GALNTL6: variants seen among roughly 807,000 people sequenced by gnomAD.
GALNTL6 encodes polypeptide N-acetylgalactosaminyltransferase-like 6.
Under a neutral mutation model 73.7 loss-of-function variants are expected in GALNTL6, and 46 were observed. The observed-to-expected ratio is 0.62, with a 90% CI of 0.49 to 0.80. The LOEUF is 0.80. Among genes scored for constraint, GALNTL6 ranks in the 30% least tolerant of loss-of-function variants. The pLI is 0.00. For missense variants in GALNTL6, 604 were observed against 755.0 expected (o/e 0.80, Z 2.34); for synonymous variants, 259 against 263.7 (o/e 0.98, Z 0.17).
At chr4:173,010,542 C>G (rs1173134444) in intron 11 of GALNTL6, among the ~76,000 whole-genome samples, 1 of 152,048 alleles carries the variant, frequency 6.6e-6, no homozygotes, top group Non-Finnish European at 1.5e-5. Flanking sequence ...AGTGGTATTG[C>G]TGGATCACAT....
intron 10 of GALNTL6, among the ~76,000 whole-genome samples, chr4:172,975,234 A>G (rs1750754519): frequency 6.6e-6 from 1 of 152,158 alleles, no homozygotes; most frequent in African/African-American, 2.4e-5. Flanking sequence ...AGGACACCCA[A>G]AGTGAGTAGC....
chr4:172,355,562 T>G (rs1177490668), intron 5 of GALNTL6, among the ~76,000 whole-genome samples: 2 of 152,144 alleles, frequency 1.3e-5, no homozygotes, highest in Non-Finnish European at 2.9e-5. Flanking sequence ...ATGCTTGCTT[T>G]CTTTTCTTTT....
intron 5 of GALNTL6, among the ~76,000 whole-genome samples, chr4:172,534,815 C>T (rs1205546614): frequency 6.6e-6 from 1 of 152,170 alleles, no homozygotes; most frequent in East Asian, 1.9e-4. Flanking sequence ...ATCTGCCCAC[C>T]TCGGCCTCCC....
At chr4:172,921,947 G>T (rs1358582130) in intron 8 of GALNTL6, among the ~76,000 whole-genome samples, 1 of 152,118 alleles carries the variant, frequency 6.6e-6, no homozygotes, top group East Asian at 1.9e-4. Flanking sequence ...TGGAGATATG[G>T]TTTGACTGTG....
chr4:172,463,839 T>C (rs1732702118), intron 5 of GALNTL6, among the ~76,000 whole-genome samples: 1 of 152,232 alleles, frequency 6.6e-6, no homozygotes, highest in Non-Finnish European at 1.5e-5. Flanking sequence ...TTTCTATTGA[T>C]AAATGCCCCC....
intron 5 of GALNTL6, among the ~76,000 whole-genome samples, chr4:172,387,922 A>C (rs972897498): frequency 6.6e-6 from 1 of 152,106 alleles, no homozygotes; most frequent in African/African-American, 2.4e-5. Context: ...CTTCATCTTT[A>C]CCATAAATAT....
intron 2 of GALNTL6, among the ~76,000 whole-genome samples, chr4:171,988,282 C>T (rs936390129): frequency 3.3e-5 from 5 of 152,094 alleles, no homozygotes; most frequent in African/African-American, 9.7e-5. Context: ...GGAGATTAAT[C>T]GGCCACAATC....
intron 2 of GALNTL6, among the ~76,000 whole-genome samples, chr4:172,030,169 C>T (rs768191913): frequency 6.6e-6 from 1 of 151,912 alleles, no homozygotes; most frequent in Non-Finnish European, 1.5e-5. Context: ...CACCACATTG[C>T]CATAAAAACC....
chr4:172,421,846 A>G (rs982448416), intron 5 of GALNTL6, among the ~76,000 whole-genome samples: 7 of 152,098 alleles, frequency 4.6e-5, no homozygotes, highest in African/African-American at 1.7e-4. Context: ...GACATGCATA[A>G]AATAGTTGTC....
intron 5 of GALNTL6, among the ~76,000 whole-genome samples, chr4:172,499,315 A>T (rs577730020): frequency 6.6e-6 from 1 of 152,230 alleles, no homozygotes; most frequent in East Asian, 1.9e-4. Flanking sequence ...CTCAAGAGAG[A>T]TGATCTCTCT....
intron 5 of GALNTL6, among the ~76,000 whole-genome samples, chr4:172,448,532 A>T (rs1047095319): frequency 2.6e-5 from 4 of 152,196 alleles, no homozygotes. Context: ...AAGCAGGCTT[A>T]TTTAAATTCT....
In GALNTL6 at chr4:172,246,416, G is replaced by T. The variant is rs187651165; in HGVS notation, c.247+16652G>T. On this transcript the variant is annotated intron_variant, in intron 3 of 12. Coordinates refer to ENST00000506823, the MANE Select transcript of GALNTL6 (RefSeq NM_001034845.3). Reference sequence around the variant, plus strand: ...GTTTAAAGAAATAGTAATCATTAAAGAATAACTTTTGAAATTGTGGCAAAA... The same window carrying T: ...GTTTAAAGAAATAGTAATCATTAAATAATAACTTTTGAAATTGTGGCAAAA... Among the ~76,000 whole-genome samples the T allele has an allele frequency of 1.2e-4, 18 of 152,220 alleles. No individual in the cohort carries two copies. In the East Asian group the frequency reaches 1.5e-3, roughly 13 times the overall value.
chr4:172,114,448 C>T (rs974770469), intron 2 of GALNTL6, among the ~76,000 whole-genome samples: 1 of 151,934 alleles, frequency 6.6e-6, no homozygotes, highest in African/African-American at 2.4e-5. Context: ...CTGAACCATG[C>T]CAGCAGGTAT....
chr4:172,062,578 C>T (rs997610288), intron 2 of GALNTL6, among the ~76,000 whole-genome samples: 3 of 152,204 alleles, frequency 2.0e-5, no homozygotes, highest in Non-Finnish European at 2.9e-5. Flanking sequence ...GAATTAAAGG[C>T]TATCGATAAA....
chr4:172,041,644 TCATTAAATAAA>T (rs549953930), intron 2 of GALNTL6, among the ~76,000 whole-genome samples: 57 of 152,218 alleles, frequency 3.7e-4, no homozygotes, highest in African/African-American at 1.3e-3. Flanking sequence ...TAGAACTATT[TCATTAAATAAA>T]CACATTGATT....
intron 2 of GALNTL6, among the ~76,000 whole-genome samples, chr4:171,946,899 T>A (rs1738717832): frequency 1.0e-5 from 1 of 97,982 alleles, no homozygotes; most frequent in Non-Finnish European, 2.4e-5. Flanking sequence ...GGACTCCATA[T>A]GTTTTACTAA....
At chr4:172,594,219 G>A (rs1212913829) in intron 5 of GALNTL6, among the ~76,000 whole-genome samples, 6 of 151,986 alleles carry the variant, frequency 3.9e-5, no homozygotes, top group African/African-American at 9.7e-5. Context: ...AGTGGTGGGC[G>A]CCTGAAATCC....
At chr4:172,730,319 G>C (rs1736070714) in intron 5 of GALNTL6, among the ~76,000 whole-genome samples, 1 of 152,176 alleles carries the variant, frequency 6.6e-6, no homozygotes, top group Admixed American at 6.5e-5. Flanking sequence ...AGTCTTTAGA[G>C]GATAGGTCTT....
rs192825093 is a variant in GALNTL6, at chr4:172,260,152, G to A, written c.247+30388G>A. Among the ~76,000 whole-genome samples, 357 of 151,670 alleles carry A rather than the reference G, an allele frequency of 2.4e-3. 6 individuals are homozygous for A. The highest frequency in any genetic ancestry group is 3.4e-3 in the Middle Eastern group (1 of 294). On this transcript the variant is annotated intron_variant, in intron 3 of 12. Coordinates refer to ENST00000506823, the MANE Select transcript of GALNTL6 (RefSeq NM_001034845.3). ...TGAAGAATGATGATGGTACTTTGAC[G>A]AGAATTGCATTGAATCTGTAGATTG... is the stretch of plus-strand genomic sequence containing the variant.
Sources: allele counts gnomAD v4.1 joint callset (sites outside exome capture counted in the v4.1 genomes callset), GRCh38; gene constraint gnomAD v4.1.1; transcripts MANE v1.5; gene names NCBI Gene and HGNC (gene_info 2026-07-23, HGNC 2026-07-21).